Variants in SCNN1B observed in about 807,000 individuals in gnomAD.
SCNN1B encodes sodium channel epithelial 1 subunit beta, also known as epithelial sodium channel subunit beta.
SCNN1B carries 46 observed loss-of-function variants against 65.3 expected under a neutral mutation model. The observed-to-expected ratio is 0.70, with a 90% CI of 0.56 to 0.90. The LOEUF is 0.90. Ranked by LOEUF, SCNN1B falls within the 40% of genes least tolerant of loss-of-function variation. SCNN1B has a pLI of 0.00. For synonymous variants in SCNN1B, 349 were observed against 330.6 expected, an observed-to-expected ratio of 1.06 and a Z score of -0.60; for missense variants, 751 against 830.5, an observed-to-expected ratio of 0.90 and a Z score of 1.18.
Position 23,346,200 on chromosome 16 carries a change from C to CTTTTTTTTTTTTT in SCNN1B, c.-8-2375_-8-2363dup, listed in dbSNP as rs753802362. Among the ~76,000 whole-genome samples, 266 of 78,000 alleles carry CTTTTTTTTTTTTT rather than the reference C, an allele frequency of 3.4e-3. 63 individuals are homozygous for CTTTTTTTTTTTTT. Among genetic ancestry groups the CTTTTTTTTTTTTT allele is most frequent in the African/African-American group, 0.013 (210 of 15,732 alleles). The allele number at this position is 78,000 out of a possible 152,430, so 51.2% of individuals were successfully genotyped here. ...CCATGGAACACCCTTTTTTCCTTTT[C>CTTTTTTTTTTTTT]TTTTTTTTTTTTTTTTTTTTTTTTT... On this transcript the variant is annotated intron_variant, in intron 1 of 12. Coordinates refer to ENST00000343070, the MANE Select transcript of SCNN1B (RefSeq NM_000336.3).
At chr16:23,342,188 G>C (rs531901157) in intron 1 of SCNN1B, among the ~76,000 whole-genome samples, 38 of 152,192 alleles carry the variant, frequency 2.5e-4, no homozygotes, top group African/African-American at 8.7e-4. Context: ...ATGCTGCAAC[G>C]TACCTTTAAA....
In SCNN1B at chr16:23,279,583, G is replaced by A. The variant is rs185118328; in HGVS notation, n.110+1243G>A. Among the ~76,000 whole-genome samples the A allele has an allele frequency of 2.0e-5, 3 of 152,280 alleles. No individual in the cohort carries two copies. The East Asian group carries it at 5.8e-4, about 29-fold the overall frequency. On this transcript the variant is annotated intron_variant and non_coding_transcript_variant, in intron 1 of 3. Coordinates refer to the SCNN1B transcript ENST00000569789. ...GGGAAAATGCTGAAGAAATTTGGGA[G>A]TCCTCCGCATATAGCTTATCTTTGG...
At chr16:23,286,622 C>A (rs1960854318) in intron 2 of SCNN1B, among the ~76,000 whole-genome samples, 1 of 152,238 alleles carries the variant, frequency 6.6e-6, no homozygotes, top group Non-Finnish European at 1.5e-5. Context: ...ATAGGAAATA[C>A]AGCAGACAGC....
intron 4 of SCNN1B, among the ~76,000 whole-genome samples, chr16:23,363,368 G>A (rs1487695085): frequency 6.6e-6 from 1 of 152,232 alleles, no homozygotes; most frequent in South Asian, 2.1e-4. Context: ...CAGCTGCTAA[G>A]GGACACAGCC....
intron 1 of SCNN1B, among the ~76,000 whole-genome samples, chr16:23,343,281 CG>C (rs35063647): frequency 0.21 from 31,220 of 151,482 alleles, 3,729 homozygotes; most frequent in South Asian, 0.37. Context: ...GGATAAACCC[CG>C]TCACTATTAA....
At chr16:23,331,071 T>G (rs558740518) in intron 1 of SCNN1B, among the ~76,000 whole-genome samples, 1 of 152,300 alleles carries the variant, frequency 6.6e-6, no homozygotes, top group African/African-American at 2.4e-5. Flanking sequence ...ATCTTCCATC[T>G]CAGGACCAGC....
chr16:23,351,478 C>G (rs1223365987), intron 2 of SCNN1B, among the ~76,000 whole-genome samples: 1 of 152,188 alleles, frequency 6.6e-6, no homozygotes, highest in Non-Finnish European at 1.5e-5. Flanking sequence ...ACAGACGCCA[C>G]CCTTCCCCAT....
At chr16:23,366,542 T>C (rs1962673511) in intron 4 of SCNN1B, among the ~76,000 whole-genome samples, 1 of 152,074 alleles carries the variant, frequency 6.6e-6, no homozygotes, top group South Asian at 2.1e-4. Flanking sequence ...AAGAGCAGCC[T>C]GGCCAACATG....
chr16:23,358,696 C>G (rs892730049), intron 4 of SCNN1B, among the ~76,000 whole-genome samples: 1 of 152,160 alleles, frequency 6.6e-6, no homozygotes. Flanking sequence ...CGCTTGAGAC[C>G]AGGGGTTCGA....
At chr16:23,309,433 TAG>T (rs1961292911) in intron 1 of SCNN1B, among the ~76,000 whole-genome samples, 2 of 151,724 alleles carry the variant, frequency 1.3e-5, no homozygotes, top group African/African-American at 4.9e-5. Context: ...GATAGATAGA[TAG>T]ATAGACAGAT....
intron 7 of SCNN1B, among the ~76,000 whole-genome samples, chr16:23,375,437 T>C (rs1267481255): frequency 6.6e-6 from 1 of 152,156 alleles, no homozygotes; most frequent in African/African-American, 2.4e-5. Flanking sequence ...CAAGCCGCTC[T>C]TCCCCATGTT....
chr16:23,299,211 C>T (rs1470738346), upstream of SCNN1B, among the ~76,000 whole-genome samples: 3 of 151,898 alleles, frequency 2.0e-5, no homozygotes, highest in Non-Finnish European at 4.4e-5. Flanking sequence ...AGGTGCGCAC[C>T]ACCATGCCTG....
chr16:23,323,260 T>G (rs1961625482), intron 1 of SCNN1B, among the ~76,000 whole-genome samples: 1 of 151,386 alleles, frequency 6.6e-6, no homozygotes, highest in Non-Finnish European at 1.5e-5. Flanking sequence ...ACAGAGGACT[T>G]CTTGGAGGAG....
rs548252255 is a variant in SCNN1B at position 23,353,073 on chromosome 16, T to A, written c.584T>A (p.Leu195Gln). 6.2e-7 allele frequency: 1 copy of A among 1,614,052 alleles called. No individual in the cohort carries two copies. Among genetic ancestry groups the A allele is most frequent in the Admixed American group, 1.7e-5 (1 of 60,000 alleles). Residue 195 changes from leucine to glutamine, a missense_variant and splice_region_variant, in exon 3 of 13, where the codon CTA (leucine) becomes CAA (glutamine). Physicochemically the swap from Leu to Gln is moderately radical, Grantham distance 113. Transcript: ENST00000343070. ...NAHGCKMAMR[L>Q]CSLNRTQCTF... is the part of the protein sequence containing the mutation. ...CACGGGTGCAAAATGGCCATGAGACTAGTAAGTGGTCCCTGGGCACATATC... is the reference window on the plus strand; with the variant it reads ...CACGGGTGCAAAATGGCCATGAGACAAGTAAGTGGTCCCTGGGCACATATC...
chr16:23,336,277 C>T (rs1379490856), intron 1 of SCNN1B, among the ~76,000 whole-genome samples: 1 of 152,208 alleles, frequency 6.6e-6, no homozygotes, highest in African/African-American at 2.4e-5. Flanking sequence ...CCAGGAAATG[C>T]CTTGGAAGAG....
chr16:23,286,305 G>C (rs1001480370), intron 2 of SCNN1B, among the ~76,000 whole-genome samples: 1 of 152,216 alleles, frequency 6.6e-6, no homozygotes, highest in Non-Finnish European at 1.5e-5. Flanking sequence ...GAAACTGCAA[G>C]GTGAAAGGTT....
intron 2 of SCNN1B, among the ~76,000 whole-genome samples, chr16:23,286,004 T>G (rs1960845687): frequency 6.6e-6 from 1 of 151,360 alleles, no homozygotes. Flanking sequence ...ATGAAACATA[T>G]TAAATCTATT....
chr16:23,344,091 T>C (rs62029380), intron 1 of SCNN1B, among the ~76,000 whole-genome samples: 13,783 of 152,328 alleles, frequency 0.09, 713 homozygotes, highest in African/African-American at 0.13. Flanking sequence ...GTAGTACTGT[T>C]GTTTACTTAA....
At chr16:23,282,272 C>G (rs1195050731) in intron 1 of SCNN1B, among the ~76,000 whole-genome samples, 1 of 152,038 alleles carries the variant, frequency 6.6e-6, no homozygotes, top group Admixed American at 6.6e-5. Context: ...ATTAGTACCC[C>G]CCAAAATGAG....
Sources: gnomAD v4.1 joint callset for allele counts (sites outside exome capture counted in the v4.1 genomes callset) on GRCh38, gnomAD v4.1.1 for gene constraint, MANE v1.5 for transcripts, NCBI Gene and HGNC (gene_info 2026-07-23, HGNC 2026-07-21) for gene names.